Variants in DPYD observed in about 807,000 individuals in gnomAD.
The protein encoded by DPYD is dihydropyrimidine dehydrogenase.
Under a neutral mutation model 116.2 loss-of-function variants are expected in DPYD, and 109 were observed. The ratio of observed to expected loss-of-function variants is 0.94; its 90% CI spans 0.80 to 1.10. The LOEUF is 1.10. Ranked by LOEUF, DPYD falls within the 50% of genes least tolerant of loss-of-function variation. The pLI is 0.00. For synonymous variants in DPYD, 440 were observed against 432.0 expected (o/e 1.02, Z -0.23); for missense variants, 1,302 against 1,254.5 (o/e 1.04, Z -0.57).
intron 14 of DPYD, among the ~76,000 whole-genome samples, chr1:97,402,625 A>G (rs1350763266): frequency 6.6e-6 from 1 of 152,082 alleles, no homozygotes; most frequent in African/African-American, 2.4e-5. Context: ...TTGTCTTATT[A>G]GCTAGAAGTT....
intron 14 of DPYD, among the ~76,000 whole-genome samples, chr1:97,399,727 A>C (rs941431739): frequency 6.6e-6 from 1 of 151,910 alleles, no homozygotes; most frequent in African/African-American, 2.4e-5. Flanking sequence ...ATGGGAGTTC[A>C]CTCATGATTT....
intron 18 of DPYD, among the ~76,000 whole-genome samples, chr1:97,296,456 C>G (rs889032242): frequency 6.6e-6 from 1 of 152,016 alleles, no homozygotes; most frequent in African/African-American, 2.4e-5. Context: ...ATGATAAACT[C>G]TATTTAAGAA....
intron 18 of DPYD, among the ~76,000 whole-genome samples, chr1:97,257,452 T>TATATATATATATATATATAGAGAG (rs375490078): frequency 4.0e-5 from 5 of 126,474 alleles, no homozygotes; most frequent in African/African-American, 1.6e-4. Flanking sequence ...TATATATATA[T>TATATATATATATATATATAGAGAG]AGAGAGAGAG....
At chr1:97,539,261 T>C (rs1306187145) in intron 12 of DPYD, among the ~76,000 whole-genome samples, 1 of 152,100 alleles carries the variant, frequency 6.6e-6, no homozygotes, top group Non-Finnish European at 1.5e-5. Context: ...ACTCAAATTT[T>C]TTTTAAATTT....
At chr1:97,101,484 A>G (rs1263888892) in intron 20 of DPYD, among the ~76,000 whole-genome samples, 1 of 151,438 alleles carries the variant, frequency 6.6e-6, no homozygotes, top group Admixed American at 6.6e-5. Context: ...AAAAAAAAAA[A>G]AAAAAAAAGG....
At chr1:97,269,793 T>C (rs1446801967) in intron 18 of DPYD, among the ~76,000 whole-genome samples, 1 of 152,178 alleles carries the variant, frequency 6.6e-6, no homozygotes, top group Non-Finnish European at 1.5e-5. Flanking sequence ...TCAGCACCTC[T>C]TCACAGGCTT....
intron 13 of DPYD, among the ~76,000 whole-genome samples, chr1:97,498,758 T>C (rs999926407): frequency 3.3e-5 from 5 of 151,748 alleles, no homozygotes; most frequent in African/African-American, 1.2e-4. Flanking sequence ...CCATTTAACA[T>C]ATCACCTCAA....
intron 20 of DPYD, among the ~76,000 whole-genome samples, chr1:97,147,786 A>G (rs1654734516): frequency 6.6e-6 from 1 of 152,172 alleles, no homozygotes; most frequent in South Asian, 2.1e-4. Context: ...TCTGTGCATC[A>G]TGTCAGGCTC....
chr1:97,723,377 G>A (rs924083651), intron 4 of DPYD, among the ~76,000 whole-genome samples: 4 of 151,472 alleles, frequency 2.6e-5, no homozygotes, highest in Admixed American at 2.0e-4. Context: ...AAAGCATACT[G>A]TTCATGGCTC....
At chr1:97,542,998 A>C (rs530786623) in intron 12 of DPYD, among the ~76,000 whole-genome samples, 88 of 152,330 alleles carry the variant, frequency 5.8e-4, no homozygotes, top group Non-Finnish European at 1.0e-3. Flanking sequence ...ATGATTTCTA[A>C]TAACCCACAA....
At chr1:97,820,999 T>C (rs1427166181) in intron 3 of DPYD, among the ~76,000 whole-genome samples, 1 of 152,088 alleles carries the variant, frequency 6.6e-6, no homozygotes, top group East Asian at 1.9e-4. Context: ...TCTCAAGTTA[T>C]TCAATTCAAG....
intron 13 of DPYD, among the ~76,000 whole-genome samples, chr1:97,505,714 A>T (rs1647279061): frequency 6.6e-6 from 1 of 151,956 alleles, no homozygotes; most frequent in South Asian, 2.1e-4. Flanking sequence ...ATAAAAGGAC[A>T]TTATAAGAGC....
chr1:97,152,194 G>A (rs1557895779), intron 20 of DPYD, among the ~76,000 whole-genome samples: 2 of 152,218 alleles, frequency 1.3e-5, no homozygotes, highest in East Asian at 3.9e-4. Context: ...AACACTACTA[G>A]TGGAAAAATA....
intron 10 of DPYD, among the ~76,000 whole-genome samples, chr1:97,583,445 C>T (rs1653840234): frequency 6.6e-6 from 1 of 151,980 alleles, no homozygotes; most frequent in Non-Finnish European, 1.5e-5. Flanking sequence ...GGATTCAAGC[C>T]TCCCTGGCAG....
intron 3 of DPYD, among the ~76,000 whole-genome samples, chr1:97,759,630 T>C (rs1440558144): frequency 6.6e-6 from 1 of 152,208 alleles, no homozygotes; most frequent in Admixed American, 6.6e-5. Context: ...TGCTTTGTTT[T>C]AGATGAATAT....
chr1:97,701,950 T>C (rs1661621912), intron 5 of DPYD, among the ~76,000 whole-genome samples: 2 of 151,854 alleles, frequency 1.3e-5, no homozygotes, highest in Non-Finnish European at 3.0e-5. Context: ...CTAATGAGTT[T>C]AAATTGGTAA....
chr1:97,428,112 C>G (rs1674977845), intron 14 of DPYD, among the ~76,000 whole-genome samples: 1 of 152,052 alleles, frequency 6.6e-6, no homozygotes, highest in Non-Finnish European at 1.5e-5. Flanking sequence ...AGTGAGAGGT[C>G]CATTTAATCA....
intron 3 of DPYD, among the ~76,000 whole-genome samples, chr1:97,823,912 T>TAAAC (rs1332353338): frequency 8.5e-6 from 1 of 116,980 alleles, no homozygotes; most frequent in Non-Finnish European, 1.8e-5. Context: ...AACAAACAAG[T>TAAAC]AAACAAACAA....
At chr1:97,604,624 A>C (rs550516465) in intron 8 of DPYD, among the ~76,000 whole-genome samples, 1 of 152,244 alleles carries the variant, frequency 6.6e-6, no homozygotes, top group East Asian at 1.9e-4. Flanking sequence ...AGAAAATATG[A>C]AATCATTTTC....
Sources: allele counts gnomAD v4.1 joint callset (sites outside exome capture counted in the v4.1 genomes callset), GRCh38; gene constraint gnomAD v4.1.1; transcripts MANE v1.5; gene names NCBI Gene and HGNC (gene_info 2026-07-23, HGNC 2026-07-21).